The following RBFOX1 variants were observed in gnomAD, a reference collection of about 807,000 sequenced individuals.
RBFOX1 encodes the protein RNA binding protein fox-1 homolog 1.
Under a neutral mutation model 57.7 loss-of-function variants are expected in RBFOX1, and 8 were observed. The ratio of observed to expected loss-of-function variants is 0.14; its 90% CI spans 0.08 to 0.25. RBFOX1 has a LOEUF of 0.25. RBFOX1 is among the 10% of genes least tolerant of loss of function. The pLI is 1.00. For missense variants in RBFOX1, 611 were observed against 548.5 expected (o/e 1.11, Z -1.14); for synonymous variants, 326 against 222.4 (o/e 1.47, Z -4.15).
At position 7,656,407 on chromosome 16, in the gene RBFOX1, A is replaced by G. The variant is rs542416607; in HGVS notation, c.890+2460A>G. Among the ~76,000 whole-genome samples, 27 of 148,328 alleles carry G rather than the reference A, an allele frequency of 1.8e-4. No individual in the cohort carries two copies. In the South Asian group the frequency reaches 5.6e-3, roughly 31 times the overall value. ...AGGGGATGGCTCCTCTTGGAAAGGAAGAGAGCAGAGTGGGACCCAGGGCAG... is the reference window on the plus strand; with the variant it reads ...AGGGGATGGCTCCTCTTGGAAAGGAGGAGAGCAGAGTGGGACCCAGGGCAG... On this transcript the variant is annotated intron_variant, in intron 12 of 15. Coordinates refer to ENST00000550418, the MANE Select transcript of RBFOX1 (RefSeq NM_018723.4).
chr16:5,376,376 G>C (rs572634912), intron 1 of RBFOX1, among the ~76,000 whole-genome samples: 88 of 152,112 alleles, frequency 5.8e-4, no homozygotes, highest in Non-Finnish European at 1.1e-3. Context: ...CAGGTGAGGG[G>C]ATCCCAAGGT....
At chr16:7,262,273 C>T (rs929106631) in intron 4 of RBFOX1, among the ~76,000 whole-genome samples, 1 of 151,674 alleles carries the variant, frequency 6.6e-6, no homozygotes, top group East Asian at 1.9e-4. Context: ...GTTGTTAAAT[C>T]ATTCTAATAT....
intron 1 of RBFOX1, among the ~76,000 whole-genome samples, chr16:6,271,914 A>G (rs371572487): frequency 1.7e-3 from 255 of 152,298 alleles, no homozygotes; most frequent in African/African-American, 6.1e-3. Context: ...CTTCCAGAAA[A>G]CAGGAGAGAA....
At chr16:6,008,853 T>G (rs1341518044) in intron 4 of RBFOX1, among the ~76,000 whole-genome samples, 1 of 152,174 alleles carries the variant, frequency 6.6e-6, no homozygotes, top group African/African-American at 2.4e-5. Context: ...CTTAATTGCC[T>G]TACGGAATAA....
At chr16:5,986,346 G>T (rs188330404) in intron 4 of RBFOX1, among the ~76,000 whole-genome samples, 1 of 152,316 alleles carries the variant, frequency 6.6e-6, no homozygotes, top group African/African-American at 2.4e-5. Flanking sequence ...TTACAGGCGT[G>T]AGCCATCGCG....
chr16:7,655,223 GT>G (rs2066004845), intron 12 of RBFOX1, among the ~76,000 whole-genome samples: 1 of 152,102 alleles, frequency 6.6e-6, no homozygotes, highest in Non-Finnish European at 1.5e-5. Context: ...ATGCAATAAA[GT>G]TAATGGTAAA....
intron 3 of RBFOX1, among the ~76,000 whole-genome samples, chr16:6,871,963 T>TGTGTGTGTG: frequency 1.0e-5 from 1 of 98,254 alleles, no homozygotes; most frequent in East Asian, 3.4e-4. Context: ...GTGTGTGTGT[T>TGTGTGTGTG]TCCCTCGGTA....
intron 3 of RBFOX1, among the ~76,000 whole-genome samples, chr16:5,747,217 C>A (rs887054778): frequency 5.3e-5 from 8 of 152,210 alleles, no homozygotes; most frequent in East Asian, 1.9e-4. Flanking sequence ...ACCAGCCTTG[C>A]ATCCCAGGGT....
intron 1 of RBFOX1, chr16:5,467,093 A>G (rs2068975324): frequency 8.6e-7 from 1 of 1,161,854 alleles, no homozygotes; most frequent in African/African-American, 1.6e-5. Flanking sequence ...CGTTTTGAGA[A>G]TGAATGAATA....
In RBFOX1 at chr16:7,551,620, A is replaced by G. The variant is rs115781356; in HGVS notation, c.271-28157A>G. On this transcript the variant is annotated intron_variant, in intron 5 of 15. Transcript: ENST00000550418. ...ATGTTACAAAGAACTAAAAAGGGTA[A>G]TGCAGTGGAATACTGTGACCTGGAG... 3.0e-3 allele frequency among the ~76,000 whole-genome samples: 452 copies of G among 152,268 alleles called. 1 individual carries two copies. Among genetic ancestry groups the G allele is most frequent in the African/African-American group, 0.01 (426 of 41,556 alleles).
At chr16:5,307,162 A>G (rs1488260764) in intron 1 of RBFOX1, among the ~76,000 whole-genome samples, 1 of 152,170 alleles carries the variant, frequency 6.6e-6, no homozygotes, top group South Asian at 2.1e-4. Context: ...ATTACATTTC[A>G]GTTGGTGGGT....
At chr16:5,611,580 A>G (rs1268130484) in intron 3 of RBFOX1, among the ~76,000 whole-genome samples, 4 of 152,082 alleles carry the variant, frequency 2.6e-5, no homozygotes, top group South Asian at 2.1e-4. Flanking sequence ...AAAATGATCA[A>G]TTTTATAAAC....
At chr16:5,763,943 T>G (rs996385778) in intron 3 of RBFOX1, among the ~76,000 whole-genome samples, 1 of 152,220 alleles carries the variant, frequency 6.6e-6, no homozygotes, top group African/African-American at 2.4e-5. Context: ...TTCTTATTTC[T>G]TTATTCACCT....
rs147346138 is a variant in RBFOX1, at chr16:6,847,588, C to T, written c.-16+192938C>T. Among the ~76,000 whole-genome samples the T allele has an allele frequency of 4.9e-4, 74 of 152,046 alleles. 1 individual carries two copies. The highest frequency in any genetic ancestry group is 1.8e-3 in the African/African-American group (74 of 41,460). On this transcript the variant is annotated intron_variant, in intron 3 of 15. Coordinates refer to ENST00000550418, the MANE Select transcript of RBFOX1 (RefSeq NM_018723.4). ...TCCATGGTCAGTCGCTGAAAAGTTGCATGGCAAAGGGAGTGAATACAAGGG... is the reference window on the plus strand; with the variant it reads ...TCCATGGTCAGTCGCTGAAAAGTTGTATGGCAAAGGGAGTGAATACAAGGG...
chr16:6,959,961 C>T (rs527543874), intron 3 of RBFOX1, among the ~76,000 whole-genome samples: 124 of 152,120 alleles, frequency 8.2e-4, no homozygotes, highest in African/African-American at 2.8e-3. Flanking sequence ...TAATAAATGC[C>T]AAGAAAGCCA....
At chr16:5,894,640 C>A (rs1241415544) in intron 4 of RBFOX1, among the ~76,000 whole-genome samples, 1 of 152,136 alleles carries the variant, frequency 6.6e-6, no homozygotes, top group Non-Finnish European at 1.5e-5. Context: ...CCCTGAGTTT[C>A]CTTCTGAGCT....
In RBFOX1 at chr16:5,455,025, C is replaced by CTTTCTTTCTT. The variant is rs1178366526; in HGVS notation, c.220-12190_220-12189insTTCTTTCTTT. Among the ~76,000 whole-genome samples the CTTTCTTTCTT allele has an allele frequency of 2.2e-3, 174 of 79,322 alleles. 6 individuals carry two copies. The highest frequency in any genetic ancestry group is 2.8e-3 in the Non-Finnish European group (115 of 40,460). 52.0% of individuals were successfully genotyped at this position (79,322 alleles called of 152,430 possible). On this transcript the variant is annotated intron_variant, in intron 1 of 2. Transcript: ENST00000585867. ...TTTCTTTCTTTCTTTCTTTCTTTCT[C>CTTTCTTTCTT]TCTCTCTGTCTGTCTCTCTTTCTTT... is the stretch of plus-strand genomic sequence containing the variant.
At chr16:7,168,835 A>C (rs2080101417) in intron 4 of RBFOX1, among the ~76,000 whole-genome samples, 1 of 152,214 alleles carries the variant, frequency 6.6e-6, no homozygotes, top group Non-Finnish European at 1.5e-5. Flanking sequence ...TGCAGTCTTC[A>C]TTCTCCTGAC....
At chr16:6,685,611 C>T (rs1375375086) in intron 3 of RBFOX1, among the ~76,000 whole-genome samples, 1 of 151,984 alleles carries the variant, frequency 6.6e-6, no homozygotes, top group Admixed American at 6.6e-5. Context: ...TTTGGTCACA[C>T]TTAAACCAAG....
Sources: gnomAD v4.1 joint callset for allele counts (sites outside exome capture counted in the v4.1 genomes callset) on GRCh38, gnomAD v4.1.1 for gene constraint, MANE v1.5 for transcripts, NCBI Gene and HGNC (gene_info 2026-07-23, HGNC 2026-07-21) for gene names.